The following PARP11 variants were observed in gnomAD, a reference collection of about 807,000 sequenced individuals.
The protein encoded by PARP11 is protein mono-ADP-ribosyltransferase PARP11.
A neutral mutation model predicts 42.9 loss-of-function variants in PARP11; 31 were observed. The ratio of observed to expected loss-of-function variants is 0.72; its 90% confidence interval spans 0.54 to 0.98. PARP11 has a LOEUF of 0.98. PARP11 is among the 50% of genes least tolerant of loss of function. The pLI is 0.00. For synonymous variants in PARP11, 137 were observed against 127.3 expected (o/e 1.08, Z -0.51); for missense variants, 365 against 413.1 (o/e 0.88, Z 1.01).
intron 1 of PARP11, chr12:3,842,531 A>T: frequency 6.5e-7 from 1 of 1,533,164 alleles, no homozygotes; most frequent in South Asian, 1.2e-5. Flanking sequence ...TTGTTGCCGA[A>T]GTATTTTCTA....
intron 4 of PARP11, chr12:3,824,477 T>C (rs1167241195): frequency 2.9e-5 from 6 of 204,026 alleles, no homozygotes; most frequent in African/African-American, 1.2e-4. Context: ...ACAGGAAGCA[T>C]GTATTACCTA....
At chr12:3,838,514 G>A (rs1018341292) in intron 1 of PARP11, among the ~76,000 whole-genome samples, 1 of 151,852 alleles carries the variant, frequency 6.6e-6, no homozygotes, top group African/African-American at 2.4e-5. Context: ...TCTAAAAAAA[G>A]AAAACAACAA....
intron 1 of PARP11, among the ~76,000 whole-genome samples, chr12:3,864,887 G>A (rs747099543): frequency 1.3e-5 from 2 of 152,014 alleles, no homozygotes; most frequent in Non-Finnish European, 2.9e-5. Context: ...GTTGTTTTCT[G>A]TTGTAGTGAT....
At chr12:3,815,201 C>A in intron 6 of PARP11, 1 of 404,522 alleles carries the variant, frequency 2.5e-6, no homozygotes, top group South Asian at 1.9e-5. Flanking sequence ...AATCCCCTCC[C>A]CCGGCTTCTG....
rs917229789 is a variant in PARP11 at position 3,840,030 on chromosome 12, G to A, written c.19-10012C>T. On this transcript the variant is annotated intron_variant, in intron 1 of 7. Coordinates refer to ENST00000228820, the MANE Select transcript of PARP11 (RefSeq NM_020367.6). This position sits in a 1 kb window ranked among gnomAD's most constrained non-coding sequence, Gnocchi z 4.4. ...ATGGGAACTCTACTAGCCTGCCTTTGGCTAGAAAGGTTCTTAAGTCACTCA... is the reference window on the plus strand; with the variant it reads ...ATGGGAACTCTACTAGCCTGCCTTTAGCTAGAAAGGTTCTTAAGTCACTCA... 111 of 1,607,428 alleles carry A rather than the reference G, an allele frequency of 6.9e-5. 1 individual carries two copies. The highest frequency in any genetic ancestry group is 9.2e-5 in the Non-Finnish European group (108 of 1,173,936).
At chr12:3,817,146 G>A (rs113943179) in intron 6 of PARP11, among the ~76,000 whole-genome samples, 1,876 of 151,964 alleles carry the variant, frequency 0.012, 45 homozygotes, top group African/African-American at 0.043. Flanking sequence ...AGCTGAGATC[G>A]CGCCACTGCA....
At chr12:3,844,593 G>T (rs1947961659) in intron 1 of PARP11, among the ~76,000 whole-genome samples, 1 of 152,144 alleles carries the variant, frequency 6.6e-6, no homozygotes. Context: ...TTTAAAAATT[G>T]GAAGGAAATA....
intron 4 of PARP11, among the ~76,000 whole-genome samples, chr12:3,822,813 G>A (rs1403207691): frequency 1.3e-5 from 2 of 152,014 alleles, no homozygotes; most frequent in Non-Finnish European, 2.9e-5. Context: ...TCAAGCTCCT[G>A]ATGAAAACAA....
At chr12:3,870,741 GA>G (rs904396654) in intron 1 of PARP11, among the ~76,000 whole-genome samples, 27 of 152,174 alleles carry the variant, frequency 1.8e-4, no homozygotes, top group Non-Finnish European at 3.1e-4. Context: ...ACAATATAGT[GA>G]AAGATTTAAA....
At chr12:3,857,453 T>C (rs530514033) in intron 1 of PARP11, among the ~76,000 whole-genome samples, 6 of 152,278 alleles carry the variant, frequency 3.9e-5, no homozygotes, top group Non-Finnish European at 7.4e-5. Context: ...TTGACATTAT[T>C]ATCCTAGAAA....
At chr12:3,825,708 T>A (rs1017039445) in intron 4 of PARP11, among the ~76,000 whole-genome samples, 2 of 151,976 alleles carry the variant, frequency 1.3e-5, no homozygotes, top group African/African-American at 4.8e-5. Context: ...AATGAGAGAT[T>A]TGATATTTTT....
rs1947170847 is a variant in PARP11, at chr12:3,811,170, A to G, written c.*953T>C. 1 of 152,220 alleles carries G rather than the reference A, an allele frequency of 6.6e-6. No individual in the cohort carries two copies. Among genetic ancestry groups the G allele is most frequent in the Non-Finnish European group, 1.5e-5 (1 of 68,028 alleles). The allele number at this position is 152,220 out of a possible 1,614,324, so 9.4% of individuals were successfully genotyped here. A position where few individuals can be genotyped will look rare whatever the true frequency, so the allele number is the denominator to read the frequency against. On this transcript the variant is annotated 3_prime_UTR_variant, in exon 8 of 8. Coordinates refer to ENST00000228820, the MANE Select transcript of PARP11 (RefSeq NM_020367.6). ...TCTCAAGCATCCCATGCTTTCTATA[A>G]TGTTTCAAAATGGAGAGATACAAAT... is the stretch of plus-strand genomic sequence containing the variant.
In PARP11 at chr12:3,821,875, G is replaced by A. The variant is rs1472369530; in HGVS notation, c.546C>T (p.Cys182=). Residue 182 remains cysteine, a splice_region_variant and synonymous_variant, in exon 6 of 8, where the codon TGC becomes TGT. Transcript: ENST00000228820. ...IQNLDLWEFF[C]RKKAQLKKKR... is the part of the protein sequence containing the mutation. ...TTTCAGATTAGAAATCATCTCACCT[G>A]CAAAAGAACTCCCACAAATCTAGGT... 1.9e-6 allele frequency: 3 copies of A among 1,604,732 alleles called. No individual in the cohort carries two copies. The highest frequency in any genetic ancestry group is 2.5e-6 in the Non-Finnish European group (3 of 1,178,004).
intron 1 of PARP11, among the ~76,000 whole-genome samples, chr12:3,867,486 C>T (rs1441733849): frequency 6.6e-6 from 1 of 152,122 alleles, no homozygotes; most frequent in Non-Finnish European, 1.5e-5. Flanking sequence ...TTTCTAGAGG[C>T]CTGCTTAAGT....
At chr12:3,827,738 G>A (rs1202770905) in intron 3 of PARP11, among the ~76,000 whole-genome samples, 8 of 151,892 alleles carry the variant, frequency 5.3e-5, no homozygotes, top group Admixed American at 5.2e-4. Flanking sequence ...ATCCCTTACT[G>A]GACAAATCCC....
intron 1 of PARP11, among the ~76,000 whole-genome samples, chr12:3,837,330 T>C (rs1381130100): frequency 6.6e-6 from 1 of 152,028 alleles, no homozygotes; most frequent in Admixed American, 6.6e-5. Context: ...GCCTAGTGGG[T>C]AAAAAAAGAT....
chr12:3,839,322 C>T (rs1424380607), intron 1 of PARP11: 5 of 1,528,296 alleles, frequency 3.3e-6, no homozygotes, highest in Non-Finnish European at 4.4e-6. Context: ...CCGTCGGCGT[C>T]CCCGACGGCG....
chr12:3,864,408 A>G (rs1948354589), intron 1 of PARP11, among the ~76,000 whole-genome samples: 1 of 152,238 alleles, frequency 6.6e-6, no homozygotes, highest in East Asian at 1.9e-4. Flanking sequence ...GGGTTTTGAA[A>G]TAAGGGTCTG....
intron 3 of PARP11, among the ~76,000 whole-genome samples, chr12:3,826,720 C>A (rs1947534680): frequency 6.6e-6 from 1 of 152,270 alleles, no homozygotes; most frequent in East Asian, 1.9e-4. Context: ...TTCCTGATTT[C>A]TCTTTAATTA....
Sources: gnomAD v4.1 joint callset for allele counts (sites outside exome capture counted in the v4.1 genomes callset) on GRCh38, gnomAD v4.1.1 for gene constraint, Gnocchi (gnomAD v3.1) non-coding constraint, MANE v1.5 for transcripts, NCBI Gene and HGNC (gene_info 2026-07-23, HGNC 2026-07-21) for gene names.